RIMS3: variants seen among roughly 807,000 people sequenced by gnomAD.
RIMS3 encodes regulating synaptic membrane exocytosis protein 3.
In RIMS3, 15 loss-of-function variants were observed where a neutral mutation model predicts 29.2. The observed-to-expected ratio is 0.51, with a 90% confidence interval of 0.34 to 0.79. The LOEUF (loss-of-function observed/expected upper bound fraction) is 0.79, where lower values mean the gene tolerates loss of function less well. Ranked by LOEUF, RIMS3 falls within the 30% of genes least tolerant of loss-of-function variation. The pLI is 0.01. For synonymous variants in RIMS3, 161 were observed against 170.1 expected (o/e 0.95, Z 0.41); for missense variants, 342 against 421.4 (o/e 0.81, Z 1.65).
the RIMS3 span, among the ~76,000 whole-genome samples, chr1:40,682,942 T>G: frequency 6.6e-6 from 1 of 151,938 alleles, no homozygotes; most frequent in Non-Finnish European, 1.5e-5. Context: ...GGTTTCACCA[T>G]GTTGGCCAGG....
the RIMS3 span, among the ~76,000 whole-genome samples, chr1:40,671,072 G>A: frequency 6.6e-6 from 1 of 152,140 alleles, no homozygotes; most frequent in Non-Finnish European, 1.5e-5. Flanking sequence ...ATGGGGATTT[G>A]GGCTAGGGAG....
At chr1:40,673,747 G>A in the RIMS3 span, among the ~76,000 whole-genome samples, 1 of 152,180 alleles carries the variant, frequency 6.6e-6, no homozygotes, top group Non-Finnish European at 1.5e-5. Context: ...AGGCCAAGAT[G>A]GTCCCCTGTG....
intron 3 of RIMS3, among the ~76,000 whole-genome samples, chr1:40,640,699 T>C (rs1570180848): frequency 6.6e-6 from 1 of 152,178 alleles, no homozygotes; most frequent in African/African-American, 2.4e-5. Flanking sequence ...TGATGTGGGG[T>C]CTATGTATGT....
chr1:40,666,053 T>C (rs898407105), upstream of RIMS3, among the ~76,000 whole-genome samples: 6 of 152,176 alleles, frequency 3.9e-5, no homozygotes, highest in African/African-American at 9.7e-5. Flanking sequence ...GAACGTCAGA[T>C]GGTAAGAGAA....
chr1:40,640,415 C>T (rs563110557), intron 3 of RIMS3, among the ~76,000 whole-genome samples: 63 of 152,296 alleles, frequency 4.1e-4, no homozygotes, highest in South Asian at 2.3e-3. Context: ...GACCAGCCCA[C>T]GTGCTACTGT....
At chr1:40,642,362 T>C (rs910954183) in intron 2 of RIMS3, among the ~76,000 whole-genome samples, 3 of 152,212 alleles carry the variant, frequency 2.0e-5, no homozygotes, top group African/African-American at 7.2e-5. Context: ...CATTAAATAA[T>C]GCACAGGAAG....
Position 40,623,764 on chromosome 1 carries a change from G to C in RIMS3, c.*2753C>G. On this transcript the variant is annotated 3_prime_UTR_variant, in exon 8 of 8. Coordinates refer to ENST00000372684, the MANE Select transcript of RIMS3 (RefSeq NM_014747.3). ...TCTGGGACAGGCTAGGTCCAGAGTGGCTTTTCAGACAAGCCCCTGCATCCA... is the reference window on the plus strand; with the variant it reads ...TCTGGGACAGGCTAGGTCCAGAGTGCCTTTTCAGACAAGCCCCTGCATCCA... 2.7e-6 allele frequency: 1 copy of C among 376,366 alleles called. No individual in the cohort carries two copies. 23.3% of individuals were successfully genotyped at this position (376,366 alleles called of 1,614,324 possible).
In RIMS3 at chr1:40,634,657, A is replaced by G. The variant is rs561442154; in HGVS notation, c.359+1259T>C. 3.3e-5 allele frequency among the ~76,000 whole-genome samples: 5 copies of G among 152,170 alleles called. No individual in the cohort carries two copies. In the East Asian group the frequency reaches 7.7e-4, roughly 24 times the overall value. On this transcript the variant is annotated intron_variant, in intron 4 of 7. Transcript: ENST00000372684. ...TCAGGGTTGCTGTAAGTGTTAAATGATCCCTGTTAGGCCGGGTGCAGTGGC... is the reference window on the plus strand; with the variant it reads ...TCAGGGTTGCTGTAAGTGTTAAATGGTCCCTGTTAGGCCGGGTGCAGTGGC...
Position 40,640,354 on chromosome 1 carries a change from A to G in RIMS3, c.217+1355T>C, listed in dbSNP as rs1460976463. On this transcript the variant is annotated intron_variant, in intron 3 of 7. Coordinates refer to ENST00000372684, the MANE Select transcript of RIMS3 (RefSeq NM_014747.3). ...ATAACCTCAAGCCCCTTCCCCACCT[A>G]TAATAGCTTTCCCCAGCGAGAAACC... is the stretch of plus-strand genomic sequence containing the variant. Among the ~76,000 whole-genome samples the G allele has an allele frequency of 4.6e-5, 7 of 152,052 alleles. No homozygotes were observed. The East Asian group carries it at 1.3e-3, about 29-fold the overall frequency.
the RIMS3 span, chr1:40,690,770 A>G: frequency 6.6e-6 from 1 of 152,360 alleles, no homozygotes; most frequent in South Asian, 2.1e-4. Context: ...GGACCCATGC[A>G]ACACTAGTCT....
intron 5 of RIMS3, among the ~76,000 whole-genome samples, chr1:40,631,981 T>C (rs1350250671): frequency 6.6e-6 from 1 of 152,106 alleles, no homozygotes; most frequent in South Asian, 2.1e-4. Flanking sequence ...ATCTCGAAGA[T>C]AAAATAAAAT....
chr1:40,659,250 G>A (rs1642316204), intron 1 of RIMS3, among the ~76,000 whole-genome samples: 1 of 152,180 alleles, frequency 6.6e-6, no homozygotes, highest in South Asian at 2.1e-4. Flanking sequence ...GTGTCTTAGA[G>A]GGACTGGAGT....
the RIMS3 span, among the ~76,000 whole-genome samples, chr1:40,671,362 A>G: frequency 6.6e-6 from 1 of 152,230 alleles, no homozygotes; most frequent in African/African-American, 2.4e-5. Context: ...GGCTGGAGAT[A>G]CAAAACTAAG....
chr1:40,674,373 T>TG, the RIMS3 span, among the ~76,000 whole-genome samples: 1 of 152,200 alleles, frequency 6.6e-6, no homozygotes, highest in Admixed American at 6.5e-5. Flanking sequence ...CCACAAACCC[T>TG]GCTGGGGCCA....
chr1:40,637,139 G>A (rs527705334), intron 3 of RIMS3, among the ~76,000 whole-genome samples: 1 of 152,332 alleles, frequency 6.6e-6, no homozygotes, highest in African/African-American at 2.4e-5. Flanking sequence ...GCCAGGGCAG[G>A]ACAGGCAGCA....
the RIMS3 span, among the ~76,000 whole-genome samples, chr1:40,676,082 A>G: frequency 6.6e-6 from 1 of 152,116 alleles, no homozygotes; most frequent in East Asian, 1.9e-4. Flanking sequence ...GAGAAGATAG[A>G]GAATAAATAG....
Position 40,623,185 on chromosome 1 carries a change from G to A in RIMS3, c.*3332C>T, listed in dbSNP as rs1490904616. ...ATGCTGGCATTGCCTGGGACTTGCTGCATCCCAAGAGCCTCCTAAGTGCTC... is the reference window on the plus strand; with the variant it reads ...ATGCTGGCATTGCCTGGGACTTGCTACATCCCAAGAGCCTCCTAAGTGCTC... On this transcript the variant is annotated 3_prime_UTR_variant, in exon 8 of 8. Transcript: ENST00000372684. 7.9e-6 allele frequency: 3 copies of A among 380,116 alleles called. No homozygotes were observed. In the East Asian group the frequency reaches 1.1e-4, roughly 14 times the overall value. The allele number at this position is 380,116 out of a possible 1,614,324, so 23.5% of individuals were successfully genotyped here.
At chr1:40,690,434 T>G in the RIMS3 span, 1 of 152,118 alleles carries the variant, frequency 6.6e-6, no homozygotes, top group African/African-American at 2.4e-5. Flanking sequence ...CACTCGTAGC[T>G]CTTACCAGTA....
At chr1:40,637,322 C>T (rs963175946) in intron 3 of RIMS3, among the ~76,000 whole-genome samples, 3 of 152,154 alleles carry the variant, frequency 2.0e-5, no homozygotes, top group African/African-American at 7.2e-5. Flanking sequence ...TGGAGGAGGG[C>T]AGGCAGAGAG....
Sources: allele counts gnomAD v4.1 joint callset (sites outside exome capture counted in the v4.1 genomes callset), GRCh38; gene constraint gnomAD v4.1.1; transcripts MANE v1.5; gene names NCBI Gene and HGNC (gene_info 2026-07-23, HGNC 2026-07-21).